The following PDE1C variants were observed in gnomAD, a reference collection of about 807,000 sequenced individuals.
PDE1C encodes the protein phosphodiesterase 1C.
In PDE1C, 62 loss-of-function variants were observed where a neutral mutation model predicts 93.1. That is an observed-to-expected ratio of 0.67 (90% CI 0.54 to 0.82). The LOEUF (loss-of-function observed/expected upper bound fraction) is 0.82. Ranked by LOEUF, PDE1C falls within the 40% of genes least tolerant of loss-of-function variation. PDE1C has a pLI of 0.00. For missense variants in PDE1C, 742 were observed against 884.6 expected (o/e 0.84, Z 2.04); for synonymous variants, 325 against 310.1 (o/e 1.05, Z -0.50).
chr7:32,187,583 T>C (rs186040095), intron 2 of PDE1C, among the ~76,000 whole-genome samples: 22 of 148,976 alleles, frequency 1.5e-4, no homozygotes, highest in African/African-American at 5.5e-4. Flanking sequence ...ATATTTGGAC[T>C]TAAAGATACA....
chr7:32,271,418 T>C (rs1340587081), intron 1 of PDE1C, among the ~76,000 whole-genome samples: 3 of 152,212 alleles, frequency 2.0e-5, no homozygotes, highest in African/African-American at 4.8e-5. Context: ...CAATAAGAGG[T>C]ATCATTTCTT....
intron 12 of PDE1C, 41 bp downstream of exon 12, chr7:31,828,251 C>T (rs1789938453): frequency 3.3e-6 from 5 of 1,529,992 alleles, no homozygotes; most frequent in Non-Finnish European, 3.6e-6. Flanking sequence ...CTACAGGCTT[C>T]CTGCTTTGGT....
At chr7:32,297,088 A>G (rs1812641966) in intron 1 of PDE1C, among the ~76,000 whole-genome samples, 1 of 152,178 alleles carries the variant, frequency 6.6e-6, no homozygotes, top group South Asian at 2.1e-4. Flanking sequence ...AGATTTCTCA[A>G]TGCTGTGTTG....
the PDE1C span, among the ~76,000 whole-genome samples, chr7:31,743,626 C>G: frequency 1.3e-5 from 2 of 151,244 alleles, no homozygotes; most frequent in Non-Finnish European, 2.9e-5. Context: ...TAAAATAAAA[C>G]TAATGTGTAA....
chr7:31,910,468 C>T (rs1032126899), intron 2 of PDE1C, among the ~76,000 whole-genome samples: 4 of 152,126 alleles, frequency 2.6e-5, no homozygotes, highest in East Asian at 3.9e-4. Flanking sequence ...CTCCAGAAGA[C>T]GGGTGACAGG....
At chr7:32,201,505 G>T (rs533057814) in intron 2 of PDE1C, among the ~76,000 whole-genome samples, 17 of 152,328 alleles carry the variant, frequency 1.1e-4, no homozygotes, top group African/African-American at 4.1e-4. Flanking sequence ...AAACTGGTCT[G>T]CATTTAGGCA....
intron 1 of PDE1C, among the ~76,000 whole-genome samples, chr7:32,266,902 G>A (rs1486183735): frequency 5.9e-5 from 9 of 151,470 alleles, no homozygotes; most frequent in Admixed American, 6.6e-5. Flanking sequence ...ATAAAGTGGC[G>A]GGGGCGGGGT....
chr7:31,671,491 A>T, the PDE1C span, among the ~76,000 whole-genome samples: 2 of 152,136 alleles, frequency 1.3e-5, no homozygotes, highest in African/African-American at 4.8e-5. Context: ...TCTCACTGTG[A>T]TCACTCATTG....
chr7:32,172,359 A>G (rs187316834), intron 2 of PDE1C, among the ~76,000 whole-genome samples: 5 of 152,100 alleles, frequency 3.3e-5, no homozygotes, highest in African/African-American at 1.2e-4. Context: ...AAAACAAACA[A>G]CACCATCAAA....
At chr7:32,034,139 C>T (rs1166408219) in intron 2 of PDE1C, among the ~76,000 whole-genome samples, 2 of 151,678 alleles carry the variant, frequency 1.3e-5, no homozygotes, top group Non-Finnish European at 2.9e-5. Context: ...GTCAAACCAG[C>T]ATACAGCACC....
intron 16 of PDE1C, chr7:31,790,365 T>C: frequency 1.1e-6 from 1 of 883,508 alleles, no homozygotes. Context: ...CCAAAAAAAA[T>C]GGGATAACCA....
At chr7:32,155,644 T>C (rs1273009313) in intron 3 of PDE1C, among the ~76,000 whole-genome samples, 1 of 152,198 alleles carries the variant, frequency 6.6e-6, no homozygotes, top group Non-Finnish European at 1.5e-5. Context: ...CACTGAATCA[T>C]ATCACTTGCA....
chr7:32,135,422 C>T (rs888043593), intron 3 of PDE1C, among the ~76,000 whole-genome samples: 3 of 151,934 alleles, frequency 2.0e-5, no homozygotes, highest in Admixed American at 6.6e-5. Context: ...AACTCAATAG[C>T]AAAAAAATGA....
intron 1 of PDE1C, among the ~76,000 whole-genome samples, chr7:32,399,316 C>A (rs1204954056): frequency 2.6e-5 from 4 of 152,172 alleles, no homozygotes; most frequent in African/African-American, 9.7e-5. Context: ...ACTGGTCAGA[C>A]CCTGTAGGAT....
chr7:31,672,887 A>G, the PDE1C span, among the ~76,000 whole-genome samples: 1 of 152,090 alleles, frequency 6.6e-6, no homozygotes, highest in Non-Finnish European at 1.5e-5. Flanking sequence ...ATAGGGGAGC[A>G]TTTTCCCCTT....
At chr7:32,295,994 C>G (rs556673540) in intron 1 of PDE1C, among the ~76,000 whole-genome samples, 1 of 151,548 alleles carries the variant, frequency 6.6e-6, no homozygotes, top group South Asian at 2.1e-4. Context: ...ACCTAAATAG[C>G]CAACAATAGG....
chr7:31,777,960 T>C (rs866005332), intron 16 of PDE1C, among the ~76,000 whole-genome samples: 2 of 152,166 alleles, frequency 1.3e-5, no homozygotes, highest in South Asian at 2.1e-4. Flanking sequence ...GTTGAGTAAC[T>C]CAGTTACTCC....
At chr7:32,106,798 C>T (rs574434477) in intron 3 of PDE1C, among the ~76,000 whole-genome samples, 6 of 143,692 alleles carry the variant, frequency 4.2e-5, no homozygotes, top group Non-Finnish European at 9.5e-5. Flanking sequence ...ATAAGCCATG[C>T]TAAAAGACAA....
At chr7:31,927,788 T>C (rs765966927) in intron 2 of PDE1C, among the ~76,000 whole-genome samples, 38 of 152,020 alleles carry the variant, frequency 2.5e-4, no homozygotes, top group Non-Finnish European at 5.3e-4. Context: ...CCAAAGGCCA[T>C]CAGCATCAAA....
Sources: allele counts gnomAD v4.1 joint callset (sites outside exome capture counted in the v4.1 genomes callset), GRCh38; gene constraint gnomAD v4.1.1; transcripts MANE v1.5; gene names NCBI Gene and HGNC (gene_info 2026-07-23, HGNC 2026-07-21).